The following YARS2 variants were observed in gnomAD, a reference collection of about 807,000 sequenced individuals.
YARS2 encodes the protein tyrosine--tRNA ligase, mitochondrial.
A neutral mutation model predicts 45.0 loss-of-function variants in YARS2; 38 were observed. The observed-to-expected ratio is 0.84, with a 90% CI of 0.65 to 1.11. The LOEUF (loss-of-function observed/expected upper bound fraction) is 1.11, where lower values mean the gene tolerates loss of function less well. Ranked by LOEUF, YARS2 falls within the 50% of genes least tolerant of loss-of-function variation. The pLI is 0.00. For missense variants in YARS2, 602 were observed against 599.8 expected (o/e 1.00, Z -0.04); for synonymous variants, 287 against 245.1 (o/e 1.17, Z -1.60).
Position 32,755,155 on chromosome 12 carries a change from G to A in YARS2, c.720C>T (p.Val240=). 10 of 1,614,134 alleles carry A rather than the reference G, an allele frequency of 6.2e-6. No homozygotes were observed. Among genetic ancestry groups the A allele is most frequent in the Non-Finnish European group, 7.6e-6 (9 of 1,180,022 alleles). ...YYLFQRYGCR[V]QLGGSDQLGN... ...CTAGTTGATCAGATCCGCCCAGCTG[G>A]ACCCTGCATCCATAACGCTGGAAGA... The change falls in exon 1 of 5, where the codon GTC becomes GTT. Residue 240 remains valine, a synonymous_variant. Transcript: ENST00000324868.
intron 4 of YARS2, among the ~76,000 whole-genome samples, chr12:32,747,766 C>T (rs892816077): frequency 6.6e-6 from 1 of 152,164 alleles, no homozygotes; most frequent in African/African-American, 2.4e-5. Context: ...AAACTCCCAA[C>T]CTCAAGTGAT....
Position 32,754,397 on chromosome 12 carries a change from ATCT to A in YARS2, c.780-315_780-313del, listed in dbSNP as rs1224269482. On this transcript the variant is annotated intron_variant, in intron 1 of 4. Coordinates refer to ENST00000324868, the MANE Select transcript of YARS2 (RefSeq NM_001040436.3). The stretch of plus-strand genomic sequence containing the variant: ...GTGTCAGGAAGAGACACTAAAGGAA[ATCT>A]TCTAAACGCCTTTTAAACATGTGCT... 3.3e-5 allele frequency among the ~76,000 whole-genome samples: 5 copies of A among 152,328 alleles called. No homozygotes were observed. In the South Asian group the frequency reaches 6.2e-4, roughly 19 times the overall value.
intron 2 of YARS2, among the ~76,000 whole-genome samples, 155 bp from the exon 3 acceptor site, chr12:32,751,029 A>G (rs917811871): frequency 1.3e-4 from 19 of 151,992 alleles, no homozygotes; most frequent in African/African-American, 4.6e-4. Flanking sequence ...CACATCACCC[A>G]GATTTAAGGT....
Position 32,755,344 on chromosome 12 carries a change from G to A in YARS2, c.531C>T (p.Tyr177=). 1 of 1,614,092 alleles carries A rather than the reference G, an allele frequency of 6.2e-7. No homozygotes were observed. The highest frequency in any genetic ancestry group is 8.5e-7 in the Non-Finnish European group (1 of 1,180,042). ...SFTVLDNSAW[Y]QKQHLVDFLA... The stretch of plus-strand genomic sequence containing the variant: ...GGAAGTCCACCAGGTGCTGCTTCTG[G>A]TACCAGGCCGAGTTGTCCAGCACAG... The change falls in exon 1 of 5, where the codon TAC becomes TAT. Residue 177 remains tyrosine, a synonymous_variant. Coordinates refer to ENST00000324868, the MANE Select transcript of YARS2 (RefSeq NM_001040436.3).
intron 1 of YARS2, 72 bp from the exon 2 acceptor site, chr12:32,754,157 G>C (rs1190498591): frequency 6.3e-7 from 1 of 1,581,110 alleles, no homozygotes; most frequent in Non-Finnish European, 8.7e-7. Flanking sequence ...TCACCTTCCA[G>C]ATTTCTTTCT....
chr12:32,754,954 C>T, intron 1 of YARS2, 142 bp downstream of exon 1: 1 of 1,029,592 alleles, frequency 9.7e-7, no homozygotes, highest in South Asian at 1.3e-5. Context: ...GTGTTATTAA[C>T]GCCATTATAG....
At position 32,755,318 on chromosome 12, in the gene YARS2, AG is replaced by A. The variant is rs1955827254; in HGVS notation, c.556del (p.Leu186TrpfsTer14). 6.2e-7 allele frequency: 1 copy of A among 1,614,102 alleles called. No individual in the cohort carries two copies. Among genetic ancestry groups the A allele is most frequent in the Non-Finnish European group, 8.5e-7 (1 of 1,180,016 alleles). ...GCGGAAGTGACCCCCCACTGCCGCC[AG>A]GAAGTCCACCAGGTGCTGCTTCTGG... ...WYQKQHLVDF[L>X]AAVGGHFRMG... is the part of the protein sequence containing the mutation. On this transcript the variant is annotated frameshift_variant, in exon 1 of 5. Coordinates refer to ENST00000324868, the MANE Select transcript of YARS2 (RefSeq NM_001040436.3). LOFTEE classifies it high-confidence loss of function.
intron 4 of YARS2, 70 bp downstream of exon 4, chr12:32,749,867 T>C (rs1955705143): frequency 1.3e-6 from 2 of 1,587,686 alleles, no homozygotes; most frequent in Admixed American, 3.3e-5. Flanking sequence ...ATGAGCCACT[T>C]CTCCTGGCCT....
Position 32,755,742 on chromosome 12 carries a change from G to C in YARS2, c.133C>G (p.Arg45Gly). The C allele has an allele frequency of 6.2e-7, 1 of 1,614,040 alleles. No individual in the cohort carries two copies. The highest frequency in any genetic ancestry group is 8.5e-7 in the Non-Finnish European group (1 of 1,180,024). Residue 45 changes from arginine to glycine, a missense_variant, in exon 1 of 5, where the codon CGA becomes GGA. By Grantham distance (125) the Arg-to-Gly change is moderately radical. Transcript: ENST00000324868. ...GGGAAGAAGTCCTTGAACAGACCTC[G>C]AGCCTTCTGCGCTGCCAGTAACCCC... ...AQGLLAAQKA[R>G]GLFKDFFPET...
At chr12:32,753,896 C>T (rs1955794437) in intron 2 of YARS2, 22 bp downstream of exon 2, 1 of 1,614,028 alleles carries the variant, frequency 6.2e-7, no homozygotes, top group Non-Finnish European at 8.5e-7. Context: ...CAGTTTTTCT[C>T]AGCCCATTAT....
rs1955835677 is a variant in YARS2 at position 32,755,710 on chromosome 12, C to T, written c.165G>A (p.Thr55=). ...RGLFKDFFPE[T]GTKIELPELF... Reference sequence around the variant, plus strand: ...GCTCTGGGAGCTCTATTTTCGTCCCCGTCTCCGGGAAGAAGTCCTTGAACA... The same window carrying T: ...GCTCTGGGAGCTCTATTTTCGTCCCTGTCTCCGGGAAGAAGTCCTTGAACA... The change falls in exon 1 of 5, where the codon ACG becomes ACA. Residue 55 remains threonine (T), a synonymous_variant. Coordinates refer to ENST00000324868, the MANE Select transcript of YARS2 (RefSeq NM_001040436.3). 3 of 1,614,126 alleles carry T rather than the reference C, an allele frequency of 1.9e-6. No homozygotes were observed. The highest frequency in any genetic ancestry group is 1.1e-5 in the South Asian group (1 of 91,096).
rs1955724389 is a variant in YARS2, at chr12:32,750,586, T to C, written c.1103+133A>G. On this transcript the variant is annotated intron_variant, in intron 3 of 4. Transcript: ENST00000324868. ...CCTTCTTTCCAATAAACAGGGGCTATTTTAAATTGCTAAGTCAAATACTGA... is the reference window on the plus strand; with the variant it reads ...CCTTCTTTCCAATAAACAGGGGCTACTTTAAATTGCTAAGTCAAATACTGA... 8 of 1,190,704 alleles carry C rather than the reference T, an allele frequency of 6.7e-6. No homozygotes were observed. In the South Asian group the frequency reaches 8.1e-5, roughly 12 times the overall value. 73.8% of individuals were successfully genotyped at this position (1,190,704 alleles called of 1,614,324 possible). A position where few individuals can be genotyped will look rare whatever the true frequency, so the allele number is the denominator to read the frequency against.
At chr12:32,751,486 A>C (rs1955744036) in intron 2 of YARS2, among the ~76,000 whole-genome samples, 1 of 152,136 alleles carries the variant, frequency 6.6e-6, no homozygotes, top group Non-Finnish European at 1.5e-5. Flanking sequence ...CATCTTTCCC[A>C]AGCATGTTTT....
intron 2 of YARS2, among the ~76,000 whole-genome samples, chr12:32,752,572 T>A (rs1268562977): frequency 6.6e-6 from 1 of 151,472 alleles, no homozygotes; most frequent in Non-Finnish European, 1.5e-5. Flanking sequence ...CTGGCCAACA[T>A]GGCGAAACCC....
At chr12:32,754,966 GCCTTAATGGGGATAAAA>G in intron 1 of YARS2, 113 bp downstream of exon 1, 1 of 1,156,284 alleles carries the variant, frequency 8.6e-7, no homozygotes, top group Non-Finnish European at 1.3e-6. Flanking sequence ...CCATTATAGA[GCCTTAATGGGGATAAAA>G]CCAACAAGAG....
intron 2 of YARS2, among the ~76,000 whole-genome samples, chr12:32,752,463 A>G (rs1479154920): frequency 2.0e-5 from 3 of 152,138 alleles, no homozygotes; most frequent in African/African-American, 7.2e-5. Context: ...AAGATTATCT[A>G]AATTCTCTAG....
At chr12:32,747,821 C>T (rs750811666) in intron 4 of YARS2, among the ~76,000 whole-genome samples, 34 of 152,162 alleles carry the variant, frequency 2.2e-4, no homozygotes, top group Non-Finnish European at 3.8e-4. Flanking sequence ...CAGGTGTGAA[C>T]CACTGTGTCT....
intron 2 of YARS2, among the ~76,000 whole-genome samples, chr12:32,751,550 A>C (rs1426421765): frequency 3.3e-5 from 5 of 152,122 alleles, no homozygotes; most frequent in Admixed American, 1.3e-4. Flanking sequence ...AATTTTAAAA[A>C]CTGATATAAA....
intron 4 of YARS2, among the ~76,000 whole-genome samples, chr12:32,748,803 G>GAAC (rs60950446): frequency 0.15 from 23,366 of 152,128 alleles, 1,892 homozygotes; most frequent in Middle Eastern, 0.21. Context: ...AGTTGAAAGA[G>GAAC]AACAACTATA....
Sources: gnomAD v4.1 joint callset for allele counts (sites outside exome capture counted in the v4.1 genomes callset) on GRCh38, gnomAD v4.1.1 for gene constraint, MANE v1.5 for transcripts, NCBI Gene and HGNC (gene_info 2026-07-23, HGNC 2026-07-21) for gene names.